Variants in ETS1 observed in about 807,000 individuals in gnomAD.
The protein encoded by ETS1 is ETS proto-oncogene 1, transcription factor, also known as protein C-ets-1.
ETS1 carries 15 observed loss-of-function variants against 58.6 expected under a neutral mutation model. The ratio of observed to expected loss-of-function variants is 0.26; its 90% confidence interval spans 0.17 to 0.39. The LOEUF is 0.39. Among genes scored for constraint, ETS1 ranks in the 10% least tolerant of loss-of-function variants. ETS1 has a pLI of 1.00. For missense variants in ETS1, 417 were observed against 610.5 expected (o/e 0.68, Z 3.34); for synonymous variants, 214 against 218.2 (o/e 0.98, Z 0.17).
intron 3 of ETS1, among the ~76,000 whole-genome samples, chr11:128,554,489 A>T (rs1864282616): frequency 6.6e-6 from 1 of 152,208 alleles, no homozygotes; most frequent in African/African-American, 2.4e-5. Flanking sequence ...TGCTTCCCAG[A>T]CACTGTCTCA....
intron 3 of ETS1, among the ~76,000 whole-genome samples, chr11:128,529,300 G>A (rs1225913905): frequency 6.6e-6 from 1 of 152,162 alleles, no homozygotes; most frequent in African/African-American, 2.4e-5. Context: ...CTATACAGGT[G>A]ATTCTATATT....
intron 8 of ETS1, among the ~76,000 whole-genome samples, chr11:128,469,863 T>C (rs979199674): frequency 2.6e-5 from 4 of 152,218 alleles, no homozygotes; most frequent in African/African-American, 9.7e-5. Context: ...TCTTATCTCA[T>C]CTCTAACACA....
chr11:128,467,045 TG>T (rs1862057259), intron 8 of ETS1, among the ~76,000 whole-genome samples: 1 of 152,182 alleles, frequency 6.6e-6, no homozygotes, highest in Non-Finnish European at 1.5e-5. Flanking sequence ...TGATGGCCGC[TG>T]AAGCGTCCCC....
At chr11:128,479,793 G>C (rs1357052420) in intron 8 of ETS1, among the ~76,000 whole-genome samples, 2 of 151,994 alleles carry the variant, frequency 1.3e-5, no homozygotes, top group Non-Finnish European at 2.9e-5. Flanking sequence ...TTGTGCCTTT[G>C]AGAGATGCTG....
At chr11:128,521,706 A>G (rs1471641309) in intron 3 of ETS1, among the ~76,000 whole-genome samples, 1 of 151,874 alleles carries the variant, frequency 6.6e-6, no homozygotes, top group Non-Finnish European at 1.5e-5. Flanking sequence ...CCACCCCCCA[A>G]ACCAAGGGTC....
chr11:128,544,235 A>G (rs995516038), intron 3 of ETS1, among the ~76,000 whole-genome samples: 14 of 151,338 alleles, frequency 9.3e-5, no homozygotes, highest in African/African-American at 3.4e-4. Flanking sequence ...GCTCTTTGAG[A>G]TAAAAATAGG....
At chr11:128,490,342 G>C (rs755059434) in intron 4 of ETS1, 115 bp downstream of exon 4, 6 of 1,065,588 alleles carry the variant, frequency 5.6e-6, no homozygotes, top group Non-Finnish European at 8.4e-6. Flanking sequence ...ATGGCCCATA[G>C]CTGCTGACTC....
At chr11:128,541,525 A>T (rs1864057726) in intron 3 of ETS1, among the ~76,000 whole-genome samples, 1 of 152,246 alleles carries the variant, frequency 6.6e-6, no homozygotes, top group Non-Finnish European at 1.5e-5. Flanking sequence ...CCTTAGAATG[A>T]GAGGAACCAT....
At chr11:128,522,776 T>A (rs1025567938) in intron 3 of ETS1, among the ~76,000 whole-genome samples, 3 of 152,284 alleles carry the variant, frequency 2.0e-5, no homozygotes, top group Non-Finnish European at 4.4e-5. Context: ...TCACAAAGAC[T>A]GACACACAGG....
chr11:128,471,482 A>G (rs1862186406), intron 8 of ETS1, among the ~76,000 whole-genome samples: 1 of 152,200 alleles, frequency 6.6e-6, no homozygotes, highest in South Asian at 2.1e-4. Flanking sequence ...AAATGCAACC[A>G]CCTCTTTCTT....
At chr11:128,560,046 A>T (rs1864379761) in intron 2 of ETS1, among the ~76,000 whole-genome samples, 1 of 152,174 alleles carries the variant, frequency 6.6e-6, no homozygotes, top group East Asian at 1.9e-4. Flanking sequence ...GTGATTGCCG[A>T]AAGGACCTAA....
chr11:128,488,606 A>C (rs1435363517), intron 5 of ETS1, among the ~76,000 whole-genome samples: 1 of 152,208 alleles, frequency 6.6e-6, no homozygotes, highest in Non-Finnish European at 1.5e-5. Context: ...ATTCAAAAAA[A>C]TAAGCACAAA....
intron 1 of ETS1, among the ~76,000 whole-genome samples, chr11:128,574,397 C>A (rs1319633337): frequency 6.6e-6 from 1 of 152,162 alleles, no homozygotes; most frequent in East Asian, 1.9e-4. Flanking sequence ...AATAGCTAGA[C>A]TATGTTAATC....
At chr11:128,519,202 G>A (rs867012870) in intron 3 of ETS1, among the ~76,000 whole-genome samples, 18 of 152,304 alleles carry the variant, frequency 1.2e-4, no homozygotes, top group Middle Eastern at 3.4e-3. Context: ...AGCACTTAAC[G>A]CTGTCAAACT....
intron 3 of ETS1, among the ~76,000 whole-genome samples, chr11:128,511,575 C>T (rs754673334): frequency 3.9e-5 from 6 of 152,194 alleles, no homozygotes; most frequent in Admixed American, 2.6e-4. Context: ...CCAGTGCTAC[C>T]TGCTCAAAGC....
intron 3 of ETS1, among the ~76,000 whole-genome samples, chr11:128,545,417 A>G (rs1273603274): frequency 6.6e-6 from 1 of 152,200 alleles, no homozygotes; most frequent in Non-Finnish European, 1.5e-5. Flanking sequence ...GAATATTTAC[A>G]TTTAATTACC....
At chr11:128,472,507 A>G (rs1425590090) in intron 8 of ETS1, among the ~76,000 whole-genome samples, 4 of 152,236 alleles carry the variant, frequency 2.6e-5, no homozygotes, top group Admixed American at 2.6e-4. Flanking sequence ...GCTGGTCTCA[A>G]CAAGCCATGT....
chr11:128,472,457 G>A lies in ETS1; in HGVS notation c.1123+7734C>T, dbSNP rs567517735. Among the ~76,000 whole-genome samples the A allele has an allele frequency of 5.7e-4, 87 of 152,264 alleles. 2 individuals are homozygous for A. The South Asian group carries it at 0.018, about 31-fold the overall frequency. ...CCCATCACGGACTACTGAGAGTGTC[G>A]GGACACATGGTCTTGAGTCCTGCCA... On this transcript the variant is annotated intron_variant, in intron 8 of 9. Coordinates refer to ENST00000392668, the MANE Select transcript of ETS1 (RefSeq NM_001143820.2).
At chr11:128,533,212 A>G (rs1863925809) in intron 3 of ETS1, among the ~76,000 whole-genome samples, 1 of 152,256 alleles carries the variant, frequency 6.6e-6, no homozygotes, top group African/African-American at 2.4e-5. Context: ...TGGAAAGGCA[A>G]AAGTTTTCAT....
Sources: gnomAD v4.1 joint callset for allele counts (sites outside exome capture counted in the v4.1 genomes callset) on GRCh38, gnomAD v4.1.1 for gene constraint, MANE v1.5 for transcripts, NCBI Gene and HGNC (gene_info 2026-07-23, HGNC 2026-07-21) for gene names.